The following MCF2L2 variants were observed in gnomAD, a reference collection of about 807,000 sequenced individuals.
MCF2L2 encodes the protein MCF.2 cell line derived transforming sequence-like 2.
Under a neutral mutation model 150.2 loss-of-function variants are expected in MCF2L2, and 102 were observed. The ratio of observed to expected loss-of-function variants is 0.68; its 90% CI spans 0.58 to 0.80. The LOEUF is 0.80. MCF2L2 is among the 30% of genes least tolerant of loss of function. The pLI is 0.00. For missense variants in MCF2L2, 1,256 were observed against 1,372.8 expected (o/e 0.91, Z 1.34); for synonymous variants, 465 against 491.3 (o/e 0.95, Z 0.71).
intron 14 of MCF2L2, among the ~76,000 whole-genome samples, chr3:183,285,579 T>G (rs1727743539): frequency 6.6e-6 from 1 of 152,218 alleles, no homozygotes; most frequent in Non-Finnish European, 1.5e-5. Context: ...CAGTACAATG[T>G]CTGGCCTTCA....
chr3:183,329,932 A>G (rs1730198908), intron 5 of MCF2L2, among the ~76,000 whole-genome samples: 1 of 152,150 alleles, frequency 6.6e-6, no homozygotes, highest in Non-Finnish European at 1.5e-5. Context: ...CTGTATCTAA[A>G]CACATCTAAA....
At chr3:183,323,693 G>A (rs543168354) in intron 5 of MCF2L2, among the ~76,000 whole-genome samples, 1 of 151,892 alleles carries the variant, frequency 6.6e-6, no homozygotes, top group East Asian at 1.9e-4. Flanking sequence ...AGCTACTTGG[G>A]TGGCTAAGTC....
At chr3:183,316,414 G>A (rs747406316) in intron 7 of MCF2L2, among the ~76,000 whole-genome samples, 3 of 151,430 alleles carry the variant, frequency 2.0e-5, no homozygotes, top group African/African-American at 7.3e-5. Flanking sequence ...GCATGATCTC[G>A]GCTCACTGCA....
At chr3:183,279,857 C>T (rs1299834354) in intron 14 of MCF2L2, among the ~76,000 whole-genome samples, 1 of 152,112 alleles carries the variant, frequency 6.6e-6, no homozygotes, top group Non-Finnish European at 1.5e-5. Context: ...GGTGAAAACC[C>T]GTCTCTACTA....
intron 25 of MCF2L2, among the ~76,000 whole-genome samples, chr3:183,203,231 A>G (rs960649436): frequency 2.0e-5 from 3 of 152,146 alleles, no homozygotes; most frequent in Non-Finnish European, 4.4e-5. Context: ...AAAAAAAAGA[A>G]AAAAGAAAAA....
At chr3:183,273,186 C>A in intron 15 of MCF2L2, 2 of 483,294 alleles carry the variant, frequency 4.1e-6, no homozygotes, top group South Asian at 8.1e-5. Flanking sequence ...CTTGGATGGT[C>A]ACTTGAATAG....
At chr3:183,233,272 A>T (rs749611329) in intron 15 of MCF2L2, among the ~76,000 whole-genome samples, 1 of 152,074 alleles carries the variant, frequency 6.6e-6, no homozygotes, top group African/African-American at 2.4e-5. Flanking sequence ...TAATTACTCG[A>T]ACCCAGGAGG....
intron 5 of MCF2L2, among the ~76,000 whole-genome samples, chr3:183,332,106 T>C (rs1443408366): frequency 6.6e-6 from 1 of 152,148 alleles, no homozygotes; most frequent in African/African-American, 2.4e-5. Context: ...AGTGCTAATA[T>C]CACAACACGT....
chr3:183,285,949 T>C (rs7614626), intron 14 of MCF2L2, among the ~76,000 whole-genome samples: 5,534 of 152,222 alleles, frequency 0.036, 347 homozygotes, highest in African/African-American at 0.12. Flanking sequence ...TTTCAGCCAG[T>C]GAAGAACAGG....
At chr3:183,213,890 A>G (rs904894320) in intron 22 of MCF2L2, among the ~76,000 whole-genome samples, 4 of 152,224 alleles carry the variant, frequency 2.6e-5, no homozygotes, top group Non-Finnish European at 1.5e-5. Flanking sequence ...ATGTAAAAGT[A>G]AGTTAAGTCT....
chr3:183,392,403 A>C (rs529858353), intron 1 of MCF2L2, among the ~76,000 whole-genome samples: 33 of 152,310 alleles, frequency 2.2e-4, no homozygotes, highest in African/African-American at 7.7e-4. Context: ...TGAGAGGCTG[A>C]CTAGTGTCAT....
chr3:183,337,638 T>C (rs1730540175), intron 5 of MCF2L2, among the ~76,000 whole-genome samples: 1 of 152,092 alleles, frequency 6.6e-6, no homozygotes, highest in African/African-American at 2.4e-5. Flanking sequence ...TTTTATTGGC[T>C]ACAAAGTATT....
At chr3:183,207,180 C>T (rs1279764799) in intron 23 of MCF2L2, among the ~76,000 whole-genome samples, 1 of 152,086 alleles carries the variant, frequency 6.6e-6, no homozygotes, top group Non-Finnish European at 1.5e-5. Flanking sequence ...GAAAACAATG[C>T]TTGGTGTGGG....
intron 5 of MCF2L2, among the ~76,000 whole-genome samples, chr3:183,324,960 T>G (rs1419215344): frequency 6.6e-6 from 1 of 151,856 alleles, no homozygotes; most frequent in Non-Finnish European, 1.5e-5. Context: ...GTAGAGTTCA[T>G]GTCCTTTGTA....
rs190076644 is a variant in MCF2L2, at chr3:183,293,892, C to A, written c.1675+1408G>T. Among the ~76,000 whole-genome samples the A allele has an allele frequency of 3.3e-4, 50 of 152,134 alleles. No individual in the cohort carries two copies. In the East Asian group the frequency reaches 4.8e-3, roughly 15 times the overall value. ...TTAAAAAAATGTTAAATGCCTAAGGCCTTTACACTCAAAACGACTGCATTG... is the reference window on the plus strand; with the variant it reads ...TTAAAAAAATGTTAAATGCCTAAGGACTTTACACTCAAAACGACTGCATTG... On this transcript the variant is annotated intron_variant, in intron 13 of 29. Transcript: ENST00000328913.
chr3:183,371,510 C>T (rs1438603476), intron 3 of MCF2L2, among the ~76,000 whole-genome samples: 2 of 149,554 alleles, frequency 1.3e-5, no homozygotes, highest in African/African-American at 2.5e-5. Flanking sequence ...CTGTGTCACC[C>T]AGGCTGTAGT....
At chr3:183,379,579 T>C (rs1713397885) in intron 2 of MCF2L2, among the ~76,000 whole-genome samples, 168 bp from the exon 3 acceptor site, 1 of 152,216 alleles carries the variant, frequency 6.6e-6, no homozygotes, top group Non-Finnish European at 1.5e-5. Flanking sequence ...TCTCTTCTCA[T>C]TCATGCTGGC....
At chr3:183,369,487 T>A (rs1483330489) in intron 3 of MCF2L2, among the ~76,000 whole-genome samples, 3 of 152,192 alleles carry the variant, frequency 2.0e-5, no homozygotes, top group Non-Finnish European at 4.4e-5. Flanking sequence ...CATTTTTTTG[T>A]ACATGAGACC....
At chr3:183,182,469 T>G (rs1721561217) in intron 27 of MCF2L2, 1 of 152,212 alleles carries the variant, frequency 6.6e-6, no homozygotes, top group Non-Finnish European at 1.5e-5. Context: ...TTTATACAAT[T>G]CAAACACAAG....
Sources: allele counts gnomAD v4.1 joint callset (sites outside exome capture counted in the v4.1 genomes callset), GRCh38; gene constraint gnomAD v4.1.1; transcripts MANE v1.5; gene names NCBI Gene and HGNC (gene_info 2026-07-23, HGNC 2026-07-21).